Variants in CTNNA3 observed in about 807,000 individuals in gnomAD.
CTNNA3 encodes catenin alpha 3.
Under a neutral mutation model 95.7 loss-of-function variants are expected in CTNNA3, and 76 were observed. That is an observed-to-expected ratio of 0.79 (90% CI 0.66 to 0.96). The LOEUF (loss-of-function observed/expected upper bound fraction) is 0.96. Ranked by LOEUF, CTNNA3 falls within the 40% of genes least tolerant of loss-of-function variation. The pLI is 0.00. For synonymous variants in CTNNA3, 431 were observed against 374.4 expected, an observed-to-expected ratio of 1.15 and a Z score of -1.74; for missense variants, 1,191 against 1,089.8, an observed-to-expected ratio of 1.09 and a Z score of -1.31.
intron 2 of CTNNA3, among the ~76,000 whole-genome samples, chr10:67,622,147 A>AATGAC (rs1209073502): frequency 6.6e-6 from 1 of 152,146 alleles, no homozygotes; most frequent in African/African-American, 2.4e-5. Context: ...GAGCAGTGAA[A>AATGAC]ATGACGACAT....
At chr10:66,486,357 A>G (rs1268825897) in intron 11 of CTNNA3, among the ~76,000 whole-genome samples, 1 of 152,188 alleles carries the variant, frequency 6.6e-6, no homozygotes, top group Non-Finnish European at 1.5e-5. Flanking sequence ...CAATAGCAAA[A>G]TACAAATAAG....
chr10:66,257,224 T>A (rs577223944), intron 13 of CTNNA3, among the ~76,000 whole-genome samples: 4 of 152,214 alleles, frequency 2.6e-5, no homozygotes, highest in Non-Finnish European at 4.4e-5. Flanking sequence ...GTAAATCTGA[T>A]TGTGGCTAAA....
At chr10:67,751,130 T>C in intron 1 of CTNNA3, 1 of 1,349,020 alleles carries the variant, frequency 7.4e-7, no homozygotes, top group Non-Finnish European at 1.1e-6. Flanking sequence ...CATTGAATGA[T>C]GAGGAGATGG....
intron 11 of CTNNA3, among the ~76,000 whole-genome samples, chr10:66,446,425 A>G (rs1469803015): frequency 2.0e-5 from 3 of 152,064 alleles, no homozygotes; most frequent in Admixed American, 6.5e-5. Flanking sequence ...AAAATCCTCA[A>G]TAAAATACTG....
intron 7 of CTNNA3, among the ~76,000 whole-genome samples, chr10:66,914,508 A>C (rs1279008785): frequency 1.3e-5 from 2 of 151,342 alleles, no homozygotes; most frequent in African/African-American, 4.9e-5. Flanking sequence ...TTACCTCAGA[A>C]GAAGTAGTGG....
At position 66,854,193 on chromosome 10, in the gene CTNNA3, CAA is replaced by C. The variant is rs368940219; in HGVS notation, c.1048-78671_1048-78670del. On this transcript the variant is annotated intron_variant, in intron 7 of 17. Coordinates refer to ENST00000433211, the MANE Select transcript of CTNNA3 (RefSeq NM_013266.4). ...CATTTAGGGATCAAATTATTTCACA[CAA>C]AATTGAGATATTTCCAAAAATAGGC... 1.2e-4 allele frequency among the ~76,000 whole-genome samples: 18 copies of C among 152,114 alleles called. No individual in the cohort carries two copies. The East Asian group carries it at 3.3e-3, about 28-fold the overall frequency.
chr10:67,103,124 G>C (rs1858435720), intron 7 of CTNNA3, among the ~76,000 whole-genome samples: 1 of 151,744 alleles, frequency 6.6e-6, no homozygotes, highest in Non-Finnish European at 1.5e-5. Context: ...AGACATGACT[G>C]AGGTGATACT....
chr10:67,554,640 G>C (rs1324006444), intron 3 of CTNNA3, among the ~76,000 whole-genome samples: 4 of 152,100 alleles, frequency 2.6e-5, no homozygotes, highest in Non-Finnish European at 5.9e-5. Context: ...GTTCTTTGTA[G>C]ATTCTGTATA....
intron 13 of CTNNA3, among the ~76,000 whole-genome samples, chr10:66,135,657 A>G (rs1056245045): frequency 1.3e-5 from 2 of 152,194 alleles, no homozygotes; most frequent in African/African-American, 4.8e-5. Flanking sequence ...GGATGTTACT[A>G]TGATCTCTAA....
chr10:66,522,877 T>A (rs1841116957), intron 10 of CTNNA3, among the ~76,000 whole-genome samples: 1 of 152,080 alleles, frequency 6.6e-6, no homozygotes, highest in African/African-American at 2.4e-5. Context: ...AGACCTCTCA[T>A]ACAATGACAA....
At chr10:67,714,941 C>T (rs1021258113) in intron 1 of CTNNA3, among the ~76,000 whole-genome samples, 6 of 152,186 alleles carry the variant, frequency 3.9e-5, no homozygotes, top group African/African-American at 1.2e-4. Flanking sequence ...ATTGTGAGGC[C>T]TCCCCAGCCA....
chr10:66,934,431 G>C (rs1263903734), intron 7 of CTNNA3, among the ~76,000 whole-genome samples: 2 of 152,044 alleles, frequency 1.3e-5, no homozygotes, highest in Non-Finnish European at 2.9e-5. Context: ...TGGCTCAAAA[G>C]AGCAGCATTA....
chr10:66,562,572 C>T (rs771297463), intron 10 of CTNNA3, among the ~76,000 whole-genome samples: 2 of 151,994 alleles, frequency 1.3e-5, no homozygotes, highest in African/African-American at 2.4e-5. Flanking sequence ...TTACTATCCT[C>T]GATTACTCAA....
At chr10:66,690,522 G>A (rs1330417134) in intron 9 of CTNNA3, among the ~76,000 whole-genome samples, 4 of 142,856 alleles carry the variant, frequency 2.8e-5, no homozygotes, top group South Asian at 2.2e-4. Flanking sequence ...TCCCCTTCCT[G>A]TGTCCACGTG....
At chr10:66,291,630 A>C (rs915757326) in intron 12 of CTNNA3, among the ~76,000 whole-genome samples, 4 of 152,158 alleles carry the variant, frequency 2.6e-5, no homozygotes, top group Non-Finnish European at 2.9e-5. Flanking sequence ...CCCATATTGT[A>C]TTAAAGAAGG....
At chr10:67,184,794 C>T (rs1862754576) in intron 6 of CTNNA3, among the ~76,000 whole-genome samples, 1 of 152,164 alleles carries the variant, frequency 6.6e-6, no homozygotes, top group Non-Finnish European at 1.5e-5. Context: ...GTCTTCACCA[C>T]ATATTTGATG....
Position 67,521,975 on chromosome 10 carries a change from C to T in CTNNA3, c.460-14G>A. 6.2e-7 allele frequency: 1 copy of T among 1,605,626 alleles called. No homozygotes were observed. Among genetic ancestry groups the T allele is most frequent in the Non-Finnish European group, 8.5e-7 (1 of 1,174,972 alleles). On this transcript the variant is annotated splice_polypyrimidine_tract_variant and intron_variant, in intron 4 of 17. Coordinates refer to ENST00000433211, the MANE Select transcript of CTNNA3 (RefSeq NM_013266.4). ...TGTCCTTTGAAACTGAAATTGAAAA[C>T]AAAAGTAGATCATTAGGATAGCAGC... is the stretch of plus-strand genomic sequence containing the variant.
intron 10 of CTNNA3, among the ~76,000 whole-genome samples, chr10:66,613,718 G>A (rs575804869): frequency 8.6e-5 from 13 of 151,304 alleles, no homozygotes; most frequent in East Asian, 3.9e-4. Flanking sequence ...ATTATGACGC[G>A]ACTGTTTGTT....
At chr10:67,605,720 C>T (rs1028121913) in intron 3 of CTNNA3, among the ~76,000 whole-genome samples, 6 of 149,198 alleles carry the variant, frequency 4.0e-5, no homozygotes, top group African/African-American at 1.6e-4. Context: ...CTCTTGTCCC[C>T]CAGGCTGGAG....
Sources: allele counts gnomAD v4.1 joint callset (sites outside exome capture counted in the v4.1 genomes callset), GRCh38; gene constraint gnomAD v4.1.1; transcripts MANE v1.5; gene names NCBI Gene and HGNC (gene_info 2026-07-23, HGNC 2026-07-21).